FARS2: variants seen among roughly 807,000 people sequenced by gnomAD.
FARS2 encodes phenylalanine--tRNA ligase, mitochondrial.
FARS2 carries 40 observed loss-of-function variants against 46.4 expected under a neutral mutation model. That is an observed-to-expected ratio of 0.86 (90% confidence interval 0.67 to 1.12). The LOEUF is 1.12. FARS2 is among the 50% of genes most tolerant of loss of function. The pLI, the probability that FARS2 is intolerant of heterozygous loss-of-function variation, is 0.00. For synonymous variants in FARS2, 234 were observed against 214.9 expected (o/e 1.09, Z -0.78); for missense variants, 513 against 567.9 (o/e 0.90, Z 0.98).
intron 6 of FARS2, among the ~76,000 whole-genome samples, chr6:5,648,558 G>A (rs1777190799): frequency 6.6e-6 from 1 of 152,302 alleles, no homozygotes; most frequent in South Asian, 2.1e-4. Flanking sequence ...GGGTCTCTAG[G>A]TGAGGGTCCT....
chr6:5,470,480 C>A (rs1765749891), intron 4 of FARS2, among the ~76,000 whole-genome samples: 1 of 152,148 alleles, frequency 6.6e-6, no homozygotes, highest in African/African-American at 2.4e-5. Context: ...AGCTCTACAC[C>A]AAACTCGTAT....
rs369492970 is a variant in FARS2 at position 5,327,113 on chromosome 6, A to G, written c.-21-41437A>G. Among the ~76,000 whole-genome samples, 9 of 152,190 alleles carry G rather than the reference A, an allele frequency of 5.9e-5. No individual in the cohort carries two copies. In the South Asian group the frequency reaches 1.0e-3, roughly 18 times the overall value. ...AGTGATAGCTCAATTTACAAATTCC[A>G]GGGAAATTGTACCTTCATAACTTTT... On this transcript the variant is annotated intron_variant, in intron 1 of 6. Coordinates refer to ENST00000274680, the MANE Select transcript of FARS2 (RefSeq NM_006567.5).
intron 6 of FARS2, among the ~76,000 whole-genome samples, chr6:5,758,025 G>T (rs1762297776): frequency 6.6e-6 from 1 of 152,216 alleles, no homozygotes; most frequent in African/African-American, 2.4e-5. Flanking sequence ...CAGGTGAAGA[G>T]GTTGTATGGG....
intron 5 of FARS2, among the ~76,000 whole-genome samples, chr6:5,588,767 G>T (rs1199889224): frequency 6.6e-6 from 1 of 152,138 alleles, no homozygotes; most frequent in Non-Finnish European, 1.5e-5. Flanking sequence ...GTTCTTTCGC[G>T]TGCAGTTCTT....
chr6:5,381,762 A>G (rs1239190396), intron 2 of FARS2, among the ~76,000 whole-genome samples: 1 of 152,236 alleles, frequency 6.6e-6, no homozygotes, highest in Non-Finnish European at 1.5e-5. Flanking sequence ...TAACTTGGGT[A>G]TGACCAGATG....
At chr6:5,569,238 ATT>A (rs35999608) in intron 5 of FARS2, among the ~76,000 whole-genome samples, 2,891 of 142,498 alleles carry the variant, frequency 0.02, 51 homozygotes, top group South Asian at 0.074. Context: ...CAGGAGTATA[ATT>A]TTTTTTTTTT....
At chr6:5,543,723 G>A (rs994261696) in intron 4 of FARS2, among the ~76,000 whole-genome samples, 1 of 152,094 alleles carries the variant, frequency 6.6e-6, no homozygotes, top group African/African-American at 2.4e-5. Context: ...AATGTTTCTT[G>A]TGGCTCGTTG....
At chr6:5,667,046 T>A (rs1440159392) in intron 6 of FARS2, among the ~76,000 whole-genome samples, 1 of 152,026 alleles carries the variant, frequency 6.6e-6, no homozygotes, top group Non-Finnish European at 1.5e-5. Flanking sequence ...TACTGGGGCC[T>A]ATCGGAGGGT....
At chr6:5,395,436 T>C (rs1253176521) in intron 2 of FARS2, among the ~76,000 whole-genome samples, 1 of 152,206 alleles carries the variant, frequency 6.6e-6, no homozygotes, top group African/African-American at 2.4e-5. Context: ...TCACTTTTCC[T>C]GGACTATAAA....
chr6:5,540,509 T>C (rs1310357672), intron 4 of FARS2, among the ~76,000 whole-genome samples: 1 of 152,238 alleles, frequency 6.6e-6, no homozygotes, highest in African/African-American at 2.4e-5. Flanking sequence ...TTTTTGCTTT[T>C]CTCTGAGACA....
intron 6 of FARS2, among the ~76,000 whole-genome samples, chr6:5,739,989 A>G (rs1036700318): frequency 6.6e-6 from 1 of 152,260 alleles, no homozygotes; most frequent in Non-Finnish European, 1.5e-5. Flanking sequence ...ATTATGGCTT[A>G]GAAAAATTAA....
intron 3 of FARS2, among the ~76,000 whole-genome samples, chr6:5,429,452 ATG>A (rs1763036671): frequency 6.6e-6 from 1 of 152,158 alleles, no homozygotes; most frequent in Non-Finnish European, 1.5e-5. Context: ...CTCTTGTCTA[ATG>A]TTTGACTCTC....
intron 6 of FARS2, among the ~76,000 whole-genome samples, chr6:5,747,973 T>C (rs1761732587): frequency 6.6e-6 from 1 of 152,202 alleles, no homozygotes; most frequent in Non-Finnish European, 1.5e-5. Flanking sequence ...GAAATATTGT[T>C]TCATCCTGGA....
At chr6:5,639,124 T>C (rs1390397365) in intron 6 of FARS2, among the ~76,000 whole-genome samples, 1 of 152,260 alleles carries the variant, frequency 6.6e-6, no homozygotes, top group Non-Finnish European at 1.5e-5. Flanking sequence ...ACAAGTTACT[T>C]AGCCTCTCTG....
intron 4 of FARS2, among the ~76,000 whole-genome samples, chr6:5,500,043 T>G (rs1032782295): frequency 1.3e-5 from 2 of 152,196 alleles, no homozygotes; most frequent in Admixed American, 6.5e-5. Context: ...CTAGGGGTGG[T>G]GTCCTTTCCA....
At position 5,269,297 on chromosome 6, in the gene FARS2, T is replaced by C. The variant is rs370057225; in HGVS notation, c.-22+7637T>C. On this transcript the variant is annotated intron_variant, in intron 1 of 6. Transcript: ENST00000274680. ...GGTGGGAATTGAACAACGAGAACAC[T>C]TGGACACAGGATGGGGAACATCGCA... Among the ~76,000 whole-genome samples the C allele has an allele frequency of 9.9e-4, 148 of 149,396 alleles. 6 individuals are homozygous for C. The South Asian group carries it at 0.027, about 28-fold the overall frequency.
intron 4 of FARS2, among the ~76,000 whole-genome samples, chr6:5,510,689 G>T (rs952213070): frequency 6.6e-6 from 1 of 152,232 alleles, no homozygotes; most frequent in South Asian, 2.1e-4. Flanking sequence ...GAGTACGTGA[G>T]TGCTGACACA....
chr6:5,452,991 C>T (rs531751476), intron 4 of FARS2, among the ~76,000 whole-genome samples: 2 of 151,978 alleles, frequency 1.3e-5, no homozygotes, highest in South Asian at 2.1e-4. Flanking sequence ...AGTAGGGGTA[C>T]GGGATGGGAG....
intron 2 of FARS2, among the ~76,000 whole-genome samples, chr6:5,391,803 A>G (rs1581967245): frequency 6.6e-6 from 1 of 152,214 alleles, no homozygotes; most frequent in East Asian, 1.9e-4. Flanking sequence ...TAAATTTTAA[A>G]TTTAATTGGC....
Sources: allele counts gnomAD v4.1 joint callset (sites outside exome capture counted in the v4.1 genomes callset), GRCh38; gene constraint gnomAD v4.1.1; transcripts MANE v1.5; gene names NCBI Gene and HGNC (gene_info 2026-07-23, HGNC 2026-07-21).